POLQ: variants seen among roughly 807,000 people sequenced by gnomAD.
POLQ encodes the protein epididymis secretory sperm binding protein.
In POLQ, 233 loss-of-function variants were observed where a neutral mutation model predicts 259.2. The ratio of observed to expected loss-of-function variants is 0.90; its 90% CI spans 0.81 to 1.00. The LOEUF (loss-of-function observed/expected upper bound fraction) is 1.00. Ranked by LOEUF, POLQ falls within the 50% of genes least tolerant of loss-of-function variation. The pLI is 0.00. For missense variants in POLQ, 2,871 were observed against 3,051.6 expected (o/e 0.94, Z 1.39); for synonymous variants, 1,025 against 1,048.8 (o/e 0.98, Z 0.44).
intron 8 of POLQ, 71 bp from the exon 9 acceptor site, chr3:121,520,154 G>T: frequency 1.2e-6 from 1 of 847,386 alleles, no homozygotes; most frequent in Non-Finnish European, 1.9e-6. Flanking sequence ...CTTACAAATG[G>T]ATTTGAGAGT....
chr3:121,520,142 C>A, intron 8 of POLQ, 59 bp from the exon 9 acceptor site: 2 of 945,766 alleles, frequency 2.1e-6, no homozygotes, highest in South Asian at 1.4e-5. Context: ...TATACGTGTT[C>A]ACTTACAAAT....
At chr3:121,509,815 A>T in intron 11 of POLQ, 112 bp from the exon 12 acceptor site, 1 of 1,071,140 alleles carries the variant, frequency 9.3e-7, no homozygotes, top group Non-Finnish European at 1.4e-6. Flanking sequence ...AAATTTTACA[A>T]ATAGTACCTT....
intron 15 of POLQ, among the ~76,000 whole-genome samples, chr3:121,490,778 G>A (rs993767552): frequency 2.0e-5 from 3 of 152,174 alleles, no homozygotes; most frequent in African/African-American, 2.4e-5. Flanking sequence ...ATCCGGCCGG[G>A]CGCGGTAGCT....
intron 7 of POLQ, 24 bp downstream of exon 7, chr3:121,529,621 C>T: frequency 6.2e-7 from 1 of 1,607,758 alleles, no homozygotes; most frequent in East Asian, 2.2e-5. Flanking sequence ...AGCATGAAGG[C>T]TTTCCTTTCC....
intron 28 of POLQ, among the ~76,000 whole-genome samples, chr3:121,434,019 T>C (rs1038533345): frequency 2.0e-5 from 3 of 152,230 alleles, no homozygotes; most frequent in Non-Finnish European, 4.4e-5. Context: ...GCAAAGGCTG[T>C]ACCTCTGTTC....
Position 121,472,162 on chromosome 3 carries a change from G to T in POLQ, c.6546C>A (p.Asp2182Glu), listed in dbSNP as rs201717586. ...GTAATGCCTTTAATTTATTTAAAACGTCCTGCCAAAAAAATATAAGGTAAG... is the reference window on the plus strand; with the variant it reads ...GTAATGCCTTTAATTTATTTAAAACTTCCTGCCAAAAAAATATAAGGTAAG... The part of the protein sequence containing the change: ...RLGRQFSTSK[D>E]VLNKLKALHP... The change falls in exon 22 of 30, where the codon GAC (aspartate) becomes GAA (glutamate). Residue 2182 changes from aspartate (D) to glutamate (E), a missense_variant and splice_region_variant. By Grantham distance (45) the Asp-to-Glu change is conservative (BLOSUM62 2). Around this residue, in one of 3 missense-constraint regions of POLQ, gnomAD observed 2,080 missense variants for 2,126.0 expected, o/e 0.98. Transcript: ENST00000264233. 3 of 1,405,862 alleles carry T rather than the reference G, an allele frequency of 2.1e-6. No homozygotes were observed. The highest frequency in any genetic ancestry group is 2.9e-6 in the Non-Finnish European group (3 of 1,041,546). The allele number at this position is 1,405,862 out of a possible 1,614,324, so 87.1% of individuals were successfully genotyped here. A position where few individuals can be genotyped will look rare whatever the true frequency, so the allele number is the denominator to read the frequency against.
intron 25 of POLQ, among the ~76,000 whole-genome samples, chr3:121,450,908 G>T (rs1005319074): frequency 1.3e-5 from 2 of 151,972 alleles, no homozygotes; most frequent in African/African-American, 4.8e-5. Flanking sequence ...CCATTCTCCC[G>T]GTCACTTTCA....
rs148310901 is a variant in POLQ, at chr3:121,433,566, G to A, written c.7544-533C>T. 1.9e-3 allele frequency among the ~76,000 whole-genome samples: 287 copies of A among 152,284 alleles called. 2 individuals are homozygous for A. Among genetic ancestry groups the A allele is most frequent in the Middle Eastern group, 6.8e-3 (2 of 294 alleles). On this transcript the variant is annotated intron_variant, in intron 28 of 29. Transcript: ENST00000264233. Reference sequence around the variant, plus strand: ...ACCTAGGCTCCCAAAGTGGACTTCAGAGAGTACATAAACCCCTTGCAGTTA... The same window carrying A: ...ACCTAGGCTCCCAAAGTGGACTTCAAAGAGTACATAAACCCCTTGCAGTTA...
chr3:121,463,337 T>A (rs922863251), intron 24 of POLQ, among the ~76,000 whole-genome samples: 1 of 152,194 alleles, frequency 6.6e-6, no homozygotes, highest in African/African-American at 2.4e-5. Context: ...TCTTCCACCA[T>A]GATTGTGAGG....
At chr3:121,454,676 G>C (rs892665032) in intron 25 of POLQ, among the ~76,000 whole-genome samples, 10 of 152,184 alleles carry the variant, frequency 6.6e-5, no homozygotes, top group South Asian at 4.1e-4. Context: ...TCAACAAGAA[G>C]AGCTAACTAT....
intron 16 of POLQ, 146 bp from the exon 17 acceptor site, chr3:121,485,330 ATAAG>A: frequency 1.9e-6 from 1 of 514,808 alleles, no homozygotes; most frequent in Non-Finnish European, 3.4e-6. Flanking sequence ...CATTTTAAGT[ATAAG>A]TAAGATCTTT....
At chr3:121,456,341 C>G (rs554547328) in intron 25 of POLQ, among the ~76,000 whole-genome samples, 1 of 151,810 alleles carries the variant, frequency 6.6e-6, no homozygotes, top group African/African-American at 2.4e-5. Flanking sequence ...GATGCCCTCT[C>G]TCACCACTCC....
chr3:121,464,685 C>A (rs1344920194), intron 24 of POLQ, among the ~76,000 whole-genome samples: 1 of 152,106 alleles, frequency 6.6e-6, no homozygotes, highest in East Asian at 1.9e-4. Context: ...CCTCTTGTAA[C>A]AGGTCAAAGT....
chr3:121,483,583 C>CT lies in POLQ; in HGVS notation c.5774-2dup. ...GGTGGAACCAAACTGGCACTAATTT[C>CT]TTTAAAAAAAAAAAAAAAAAGGAAA... On this transcript the variant is annotated splice_acceptor_variant, in intron 17 of 29. Coordinates refer to ENST00000264233, the MANE Select transcript of POLQ (RefSeq NM_199420.4). LOFTEE classifies it high-confidence loss of function. 4 of 1,195,296 alleles carry CT rather than the reference C, an allele frequency of 3.3e-6. No individual in the cohort carries two copies. Among genetic ancestry groups the CT allele is most frequent in the South Asian group, 3.9e-5 (2 of 51,388 alleles). 74.0% of individuals were successfully genotyped at this position (1,195,296 alleles called of 1,614,324 possible).
At chr3:121,449,061 T>G in intron 26 of POLQ, among the ~76,000 whole-genome samples, 1 of 152,320 alleles carries the variant, frequency 6.6e-6, no homozygotes, top group East Asian at 1.9e-4. Flanking sequence ...CCTGATTTTA[T>G]GGGTTGTTCA....
In POLQ at chr3:121,488,262, T is replaced by A; in HGVS notation, c.4669A>T (p.Ile1557Leu). ...TGAACAGAATCCATTTCTGAAAATA[T>A]AATAGATTCATCATTGGAACAAGTC... ...QLTCSNDESI[I>L]FSEMDSVQMV... Residue 1557 changes from isoleucine (I) to leucine (L), a missense_variant, in exon 16 of 30, where the codon ATA (isoleucine) becomes TTA (leucine). Physicochemically the swap from Ile to Leu is conservative, Grantham distance 5. This residue lies in a region of POLQ where 2,080 missense variants were observed against 2,126.0 expected (regional missense o/e 0.98). Coordinates refer to ENST00000264233, the MANE Select transcript of POLQ (RefSeq NM_199420.4). 1 of 1,612,614 alleles carries A rather than the reference T, an allele frequency of 6.2e-7. No individual in the cohort carries two copies. The highest frequency in any genetic ancestry group is 1.1e-5 in the South Asian group (1 of 90,862).
chr3:121,445,964 C>A (rs1232207814), intron 26 of POLQ, among the ~76,000 whole-genome samples: 1 of 150,508 alleles, frequency 6.6e-6, no homozygotes, highest in East Asian at 1.9e-4. Context: ...TGTATTATTT[C>A]TTTTCCTCTA....
Position 121,545,973 on chromosome 3 carries a change from G to T in POLQ, c.-96C>A, listed in dbSNP as rs907503725. Reference sequence around the variant, plus strand: ...TGGCAACAGCTGCGGACATCTTCCCGCCAGTCTTCAAACTCAAACCTCCCG... The same window carrying T: ...TGGCAACAGCTGCGGACATCTTCCCTCCAGTCTTCAAACTCAAACCTCCCG... On this transcript the variant is annotated 5_prime_UTR_variant, in exon 1 of 30. Transcript: ENST00000264233. The T allele has an allele frequency of 6.9e-7, 1 of 1,454,946 alleles. No individual in the cohort carries two copies. The highest frequency in any genetic ancestry group is 9.5e-7 in the Non-Finnish European group (1 of 1,057,352). The allele number at this position is 1,454,946 out of a possible 1,614,324, so 90.1% of individuals were successfully genotyped here. A position where few individuals can be genotyped will look rare whatever the true frequency, so the allele number is the denominator to read the frequency against.
rs148821311 is a variant in POLQ, at chr3:121,488,095, A to T, written c.4836T>A (p.Asp1612Glu). 6.2e-7 allele frequency: 1 copy of T among 1,613,764 alleles called. No individual in the cohort carries two copies. The highest frequency in any genetic ancestry group is 1.3e-5 in the African/African-American group (1 of 74,910). The stretch of plus-strand genomic sequence containing the variant: ...TTAATTTTGATTTTTCAGCCCTTTC[A>T]TCTTGATCTCCTCCATCTTGATCAC... ...HQGDQDGGDQDERAEKSKLTG... is the reference protein window; with the variant it reads ...HQGDQDGGDQEERAEKSKLTG... Residue 1612 changes from aspartate to glutamate, a missense_variant, in exon 16 of 30, where the codon GAT becomes GAA. This residue lies in a region of POLQ where 2,080 missense variants were observed against 2,126.0 expected (regional missense o/e 0.98). Coordinates refer to ENST00000264233, the MANE Select transcript of POLQ (RefSeq NM_199420.4).
Sources: gnomAD v4.1 joint callset for allele counts (sites outside exome capture counted in the v4.1 genomes callset) on GRCh38, gnomAD v4.1.1 for gene constraint, gnomAD v4.1.1 regional missense constraint, MANE v1.5 for transcripts, NCBI Gene and HGNC (gene_info 2026-07-23, HGNC 2026-07-21) for gene names.